The following ANKIB1 variants were observed in gnomAD, a reference collection of about 807,000 sequenced individuals.
ANKIB1 encodes the protein ankyrin repeat and IBR domain-containing protein 1.
Under a neutral mutation model 122.1 loss-of-function variants are expected in ANKIB1, and 43 were observed. The ratio of observed to expected loss-of-function variants is 0.35; its 90% confidence interval spans 0.28 to 0.45. The LOEUF is 0.45. Among genes scored for constraint, ANKIB1 ranks in the 20% least tolerant of loss-of-function variants. The pLI is 1.00. For missense variants in ANKIB1, 992 were observed against 1,329.5 expected (o/e 0.75, Z 3.95); for synonymous variants, 390 against 442.0 (o/e 0.88, Z 1.48).
intron 2 of ANKIB1, among the ~76,000 whole-genome samples, chr7:92,301,814 A>C: frequency 6.6e-6 from 1 of 152,154 alleles, no homozygotes; most frequent in South Asian, 2.1e-4. Flanking sequence ...ATGTTGTGTT[A>C]GATTTAGTCC....
At chr7:92,359,779 G>A (rs1803901792) in intron 9 of ANKIB1, among the ~76,000 whole-genome samples, 1 of 152,136 alleles carries the variant, frequency 6.6e-6, no homozygotes, top group Admixed American at 6.5e-5. Flanking sequence ...ATTAGGTCAT[G>A]CTGTGTTGCA....
chr7:92,256,771 G>A (rs1801456766), intron 1 of ANKIB1, among the ~76,000 whole-genome samples: 1 of 152,166 alleles, frequency 6.6e-6, no homozygotes, highest in African/African-American at 2.4e-5. Context: ...TAAGATTAGA[G>A]TACAATTAAA....
chr7:92,398,227 G>T lies in ANKIB1; in HGVS notation c.2548G>T (p.Asp850Tyr), dbSNP rs1229805288. 7 of 1,591,766 alleles carry T rather than the reference G, an allele frequency of 4.4e-6. No individual in the cohort carries two copies. Among genetic ancestry groups the T allele is most frequent in the Non-Finnish European group, 6.0e-6 (7 of 1,169,732 alleles). The change falls in exon 20 of 20, where the codon GAT (aspartate) becomes TAT (tyrosine). Residue 850 changes from aspartate to tyrosine, a missense_variant. Physicochemically the swap from Asp to Tyr is radical, Grantham distance 160 (BLOSUM62 -3). Around this residue, in one of 4 missense-constraint regions of ANKIB1, gnomAD observed 384 missense variants for 412.0 expected, o/e 0.93. Transcript: ENST00000265742. ...GTTGCTTCAGGCTCTGAGTTCCTTG[G>T]ATGAAGACGATCCCAATATACTTCT... ...QDSLQALSSL[D>Y]EDDPNILLAI...
At chr7:92,343,302 A>T in intron 6 of ANKIB1, 70 bp downstream of exon 6, 1 of 1,381,974 alleles carries the variant, frequency 7.2e-7, no homozygotes, top group Non-Finnish European at 1.0e-6. Context: ...ATGATTTAAT[A>T]TTGTTCCATG....
chr7:92,318,445 T>C (rs1479590553), intron 3 of ANKIB1, among the ~76,000 whole-genome samples: 1 of 152,094 alleles, frequency 6.6e-6, no homozygotes, highest in Non-Finnish European at 1.5e-5. Flanking sequence ...GAACCCAGGT[T>C]GCAGTGAACC....
intron 9 of ANKIB1, 85 bp from the exon 10 acceptor site, chr7:92,362,100 C>A: frequency 2.4e-6 from 3 of 1,273,788 alleles, no homozygotes; most frequent in Non-Finnish European, 3.3e-6. Flanking sequence ...CATGAGCCAC[C>A]ACGCCCGGCC....
At chr7:92,392,873 A>G (rs554987021) in intron 17 of ANKIB1, among the ~76,000 whole-genome samples, 1 of 152,194 alleles carries the variant, frequency 6.6e-6, no homozygotes, top group Non-Finnish European at 1.5e-5. Flanking sequence ...AACACTACAG[A>G]TAGCAGTTGT....
At chr7:92,258,551 C>T (rs1801496784) in intron 1 of ANKIB1, among the ~76,000 whole-genome samples, 1 of 152,104 alleles carries the variant, frequency 6.6e-6, no homozygotes, top group Admixed American at 6.5e-5. Context: ...TCTCCTGTGT[C>T]TTAGAATGGT....
At position 92,387,850 on chromosome 7, in the gene ANKIB1, A is replaced by T; in HGVS notation, c.1805A>T (p.Tyr602Phe). The T allele has an allele frequency of 6.2e-7, 1 of 1,612,836 alleles. No homozygotes were observed. The highest frequency in any genetic ancestry group is 8.5e-7 in the Non-Finnish European group (1 of 1,179,500). The part of the protein sequence containing the change: ...FQELDRFMHY[Y>F]TRFKNHEHSY... ...GAACTTGACAGATTTATGCACTATTATACAAGATTTAAAAACCATGAGCAT... is the reference window on the plus strand; with the variant it reads ...GAACTTGACAGATTTATGCACTATTTTACAAGATTTAAAAACCATGAGCAT... The change falls in exon 13 of 20, where the codon TAT becomes TTT. Residue 602 changes from tyrosine to phenylalanine, a missense_variant. Transcript: ENST00000265742.
intron 1 of ANKIB1, among the ~76,000 whole-genome samples, chr7:92,249,713 CTG>C (rs913313034): frequency 2.0e-5 from 3 of 150,956 alleles, no homozygotes; most frequent in Admixed American, 6.6e-5. Flanking sequence ...GGGTGAGACT[CTG>C]TCTCAAAAAA....
intron 2 of ANKIB1, among the ~76,000 whole-genome samples, chr7:92,295,559 T>C (rs1430023737): frequency 6.6e-6 from 1 of 152,178 alleles, no homozygotes; most frequent in Non-Finnish European, 1.5e-5. Context: ...ACTTGTCAGC[T>C]GTCAAAAAAA....
At chr7:92,378,302 C>T (rs1804432138) in intron 11 of ANKIB1, among the ~76,000 whole-genome samples, 1 of 151,866 alleles carries the variant, frequency 6.6e-6, no homozygotes, top group South Asian at 2.1e-4. Context: ...CAATCCATGT[C>T]AGTGCTGAAA....
intron 1 of ANKIB1, among the ~76,000 whole-genome samples, chr7:92,284,077 T>A (rs1244252261): frequency 6.6e-6 from 1 of 152,202 alleles, no homozygotes; most frequent in Non-Finnish European, 1.5e-5. Context: ...CCACTTTCCT[T>A]ATTCTTTACT....
chr7:92,371,641 A>G, intron 11 of ANKIB1, 34 bp downstream of exon 11: 1 of 1,573,016 alleles, frequency 6.4e-7, no homozygotes, highest in Non-Finnish European at 8.6e-7. Context: ...CATGCTTTGC[A>G]TTTGGAATCT....
intron 3 of ANKIB1, among the ~76,000 whole-genome samples, chr7:92,310,578 G>T (rs1335231424): frequency 2.0e-5 from 3 of 152,138 alleles, no homozygotes; most frequent in African/African-American, 7.2e-5. Flanking sequence ...AATAAATACA[G>T]TTGTCACTTG....
intron 1 of ANKIB1, among the ~76,000 whole-genome samples, chr7:92,265,408 A>G (rs995708750): frequency 6.6e-6 from 1 of 152,228 alleles, no homozygotes; most frequent in Non-Finnish European, 1.5e-5. Context: ...AAAAGAGAAA[A>G]AAAAAGAGGA....
At chr7:92,325,618 A>G (rs1803010113) in intron 4 of ANKIB1, among the ~76,000 whole-genome samples, 1 of 152,020 alleles carries the variant, frequency 6.6e-6, no homozygotes, top group East Asian at 1.9e-4. Context: ...CTTTTGGGTA[A>G]ATAAGTGCCT....
At chr7:92,377,113 G>A (rs142140877) in intron 11 of ANKIB1, among the ~76,000 whole-genome samples, 1 of 152,286 alleles carries the variant, frequency 6.6e-6, no homozygotes, top group Admixed American at 6.5e-5. Context: ...TTTTCAACAT[G>A]CCTTCCTTAC....
At chr7:92,349,142 TAA>T (rs1340984070) in intron 7 of ANKIB1, among the ~76,000 whole-genome samples, 1 of 152,080 alleles carries the variant, frequency 6.6e-6, no homozygotes, top group Non-Finnish European at 1.5e-5. Flanking sequence ...CATTAGAAAG[TAA>T]AAGAGAGAAA....
Sources: gnomAD v4.1 joint callset for allele counts (sites outside exome capture counted in the v4.1 genomes callset) on GRCh38, gnomAD v4.1.1 for gene constraint, gnomAD v4.1.1 regional missense constraint, MANE v1.5 for transcripts, NCBI Gene and HGNC (gene_info 2026-07-23, HGNC 2026-07-21) for gene names.